SLC48A1: variants seen among roughly 807,000 people sequenced by gnomAD.
SLC48A1 encodes the protein solute carrier family 48 member 1, also known as heme transporter HRG1.
In SLC48A1, 6 loss-of-function variants were observed where a neutral mutation model predicts 14.8. The observed-to-expected ratio is 0.41, with a 90% CI of 0.22 to 0.80. The LOEUF (loss-of-function observed/expected upper bound fraction) is 0.80. SLC48A1 is among the 30% of genes least tolerant of loss of function. The probability of loss-of-function intolerance (pLI) is 0.34; values close to 1 mark genes in which losing one functional copy is unlikely to be tolerated. For synonymous variants in SLC48A1, 89 were observed against 90.0 expected (o/e 0.99, Z 0.06); for missense variants, 165 against 204.8 (o/e 0.81, Z 1.19).
chr12:47,766,179 G>A (rs185046469), intron 2 of SLC48A1, among the ~76,000 whole-genome samples: 1 of 152,296 alleles, frequency 6.6e-6, no homozygotes, highest in Non-Finnish European at 1.5e-5. Context: ...GGGGACCCAC[G>A]TGCACTGATG....
In SLC48A1 at chr12:47,780,979, G is replaced by T. The variant is rs1269748551; in HGVS notation, c.*698G>T. On this transcript the variant is annotated 3_prime_UTR_variant, in exon 3 of 3. Coordinates refer to ENST00000442218, the MANE Select transcript of SLC48A1 (RefSeq NM_017842.3). ...GGCCTGGACCTATGCTGCAGGCAAGGGTTTCCATCCCCGCTGCCCTAGGCA... is the reference window on the plus strand; with the variant it reads ...GGCCTGGACCTATGCTGCAGGCAAGTGTTTCCATCCCCGCTGCCCTAGGCA... 1.9e-6 allele frequency: 1 copy of T among 520,274 alleles called. No homozygotes were observed. The highest frequency in any genetic ancestry group is 5.5e-5 in the East Asian group (1 of 18,122). The allele number at this position is 520,274 out of a possible 1,614,324, so 32.2% of individuals were successfully genotyped here. A position where few individuals can be genotyped will look rare whatever the true frequency, so the allele number is the denominator to read the frequency against.
chr12:47,773,642 G>T (rs1016528688), intron 1 of SLC48A1, among the ~76,000 whole-genome samples: 1 of 150,886 alleles, frequency 6.6e-6, no homozygotes, highest in Admixed American at 6.6e-5. Flanking sequence ...CCCGATGCCC[G>T]CCCGGGCGCC....
chr12:47,779,008 C>T lies in SLC48A1; in HGVS notation c.137-20C>T, dbSNP rs538611335. 11 of 1,550,426 alleles carry T rather than the reference C, an allele frequency of 7.1e-6. No individual in the cohort carries two copies. The highest frequency in any genetic ancestry group is 1.7e-4 in the Middle Eastern group (1 of 5,978). ...CTCTGGAGCACCCTGGGGATGGGCC[C>T]TGATGTGTCTCTCCTGCAGGGGTGC... On this transcript the variant is annotated intron_variant, in intron 1 of 2. Coordinates refer to ENST00000442218, the MANE Select transcript of SLC48A1 (RefSeq NM_017842.3).
intron 2 of SLC48A1, among the ~76,000 whole-genome samples, chr12:47,762,190 G>T (rs1942395815): frequency 6.6e-6 from 1 of 152,154 alleles, no homozygotes; most frequent in African/African-American, 2.4e-5. Flanking sequence ...CTTCAAGCAG[G>T]TGGCAGCGGC....
exon 1 of SLC48A1, chr12:47,758,640 G>T: frequency 6.3e-7 from 1 of 1,596,414 alleles, no homozygotes; most frequent in Non-Finnish European, 8.5e-7. Flanking sequence ...TTTGATAAGG[G>T]GATCCGGAGG....
upstream of SLC48A1, among the ~76,000 whole-genome samples, chr12:47,771,249 T>C (rs777678624): frequency 1.3e-4 from 20 of 152,222 alleles, 1 homozygote; most frequent in Non-Finnish European, 5.9e-5. Flanking sequence ...ATTCCTTGTG[T>C]ATAATTGCTT....
chr12:47,779,289 G>A (rs1205068749), intron 2 of SLC48A1, 94 bp downstream of exon 2: 2 of 1,426,706 alleles, frequency 1.4e-6, no homozygotes, highest in Non-Finnish European at 1.9e-6. Context: ...TACCTCCAAA[G>A]AGACTGGGTG....
upstream of SLC48A1, chr12:47,771,082 A>G (rs1942620734): frequency 8.6e-6 from 3 of 348,344 alleles, no homozygotes; most frequent in South Asian, 6.4e-5. Context: ...ACTTCTCATT[A>G]AAATACACAC....
intron 2 of SLC48A1, among the ~76,000 whole-genome samples, chr12:47,762,525 C>T (rs557453982): frequency 5.9e-5 from 9 of 152,224 alleles, no homozygotes; most frequent in Non-Finnish European, 1.0e-4. Context: ...TTGCATCTCT[C>T]TGTTATGCCC....
chr12:47,773,253 A>C lies in SLC48A1; in HGVS notation c.-52A>C, dbSNP rs949134320. 1.6e-6 allele frequency: 2 copies of C among 1,273,120 alleles called. No individual in the cohort carries two copies. Among genetic ancestry groups the C allele is most frequent in the Non-Finnish European group, 2.0e-6 (2 of 1,006,324 alleles). 78.9% of individuals were successfully genotyped at this position (1,273,120 alleles called of 1,614,324 possible). A position where few individuals can be genotyped will look rare whatever the true frequency, so the allele number is the denominator to read the frequency against. On this transcript the variant is annotated 5_prime_UTR_variant, in exon 1 of 3. Transcript: ENST00000442218. ...TCCGGCTGGCGGCTTCGGGCCCTGCACCTGTGACTCTCGGCCGCGCTCGCC... is the reference window on the plus strand; with the variant it reads ...TCCGGCTGGCGGCTTCGGGCCCTGCCCCTGTGACTCTCGGCCGCGCTCGCC...
chr12:47,769,197 T>C (rs180711481), upstream of SLC48A1: 36 of 152,326 alleles, frequency 2.4e-4, no homozygotes, highest in Admixed American at 2.3e-3. Flanking sequence ...AGCTGGGAAG[T>C]GTAGTTCAAA....
At position 47,774,080 on chromosome 12, in the gene SLC48A1, G is replaced by A. The variant is rs12309469; in HGVS notation, c.136+640G>A. ...CCATGTTGGTGCCTTTTTGCTACCC[G>A]TCTGCTGTGGCTCCTCAGCCAAGCT... On this transcript the variant is annotated intron_variant, in intron 1 of 2. Coordinates refer to ENST00000442218, the MANE Select transcript of SLC48A1 (RefSeq NM_017842.3). 9.6e-3 allele frequency among the ~76,000 whole-genome samples: 1,469 copies of A among 152,272 alleles called. 27 individuals are homozygous for A. Among genetic ancestry groups the A allele is most frequent in the South Asian group, 0.094 (455 of 4,828 alleles).
upstream of SLC48A1, among the ~76,000 whole-genome samples, chr12:47,767,985 T>A (rs1942552071): frequency 6.6e-6 from 1 of 152,164 alleles, no homozygotes; most frequent in South Asian, 2.1e-4. Context: ...TATTTAAATT[T>A]TTTTTTTCTT....
chr12:47,756,654 A>G (rs1434789361), upstream of SLC48A1, among the ~76,000 whole-genome samples: 1 of 152,044 alleles, frequency 6.6e-6, no homozygotes, highest in Non-Finnish European at 1.5e-5. Context: ...TGGTTATTCC[A>G]CTCAAAAGGA....
At chr12:47,758,156 G>T (rs940500465), upstream of SLC48A1, 22 of 1,499,086 alleles carry the variant, frequency 1.5e-5, no homozygotes, top group Admixed American at 3.7e-4. Flanking sequence ...GCCCCAGGCA[G>T]AACTACTTCC....
At chr12:47,766,404 A>C (rs531351265) in intron 2 of SLC48A1, among the ~76,000 whole-genome samples, 1 of 152,296 alleles carries the variant, frequency 6.6e-6, no homozygotes, top group South Asian at 2.1e-4. Context: ...CAAGGAAGTC[A>C]GTCAGCCCCA....
upstream of SLC48A1, chr12:47,768,678 A>G (rs1942567127): frequency 6.6e-6 from 1 of 152,172 alleles, no homozygotes; most frequent in African/African-American, 2.4e-5. Flanking sequence ...GTGGGAGAAG[A>G]TATGTCTGGA....
chr12:47,780,001 TCA>T, intron 2 of SLC48A1, 142 bp from the exon 3 acceptor site: 1 of 1,059,806 alleles, frequency 9.4e-7, no homozygotes. Context: ...AAAACCTCCA[TCA>T]CAGTGTCTTT....
At chr12:47,755,108 C>T (rs978634871), upstream of SLC48A1, among the ~76,000 whole-genome samples, 6 of 152,228 alleles carry the variant, frequency 3.9e-5, no homozygotes, top group African/African-American at 1.4e-4. Flanking sequence ...TGTTACTGTT[C>T]GTAGCAAGAG....
Sources: gnomAD v4.1 joint callset for allele counts (sites outside exome capture counted in the v4.1 genomes callset) on GRCh38, gnomAD v4.1.1 for gene constraint, MANE v1.5 for transcripts, NCBI Gene and HGNC (gene_info 2026-07-23, HGNC 2026-07-21) for gene names.